The following CTNNA2 variants were observed in gnomAD, a reference collection of about 807,000 sequenced individuals.
The protein encoded by CTNNA2 is catenin alpha 2, also known as catenin alpha-2.
A neutral mutation model predicts 101.0 loss-of-function variants in CTNNA2; 42 were observed. The ratio of observed to expected loss-of-function variants is 0.42; its 90% confidence interval spans 0.32 to 0.54. The LOEUF is 0.54. Ranked by LOEUF, CTNNA2 falls within the 20% of genes least tolerant of loss-of-function variation. CTNNA2 has a pLI of 0.14. For missense variants in CTNNA2, 871 were observed against 1,223.1 expected (o/e 0.71, Z 4.29); for synonymous variants, 450 against 456.4 (o/e 0.99, Z 0.18).
chr2:80,509,465 A>G (rs909863152), intron 9 of CTNNA2, among the ~76,000 whole-genome samples: 3 of 152,208 alleles, frequency 2.0e-5, no homozygotes, highest in Non-Finnish European at 2.9e-5. Flanking sequence ...CTCTTATGGT[A>G]TAAGTGTGAA....
chr2:79,421,991 A>G (rs948692842), intron 4 of CTNNA2, among the ~76,000 whole-genome samples: 3 of 152,094 alleles, frequency 2.0e-5, no homozygotes, highest in Non-Finnish European at 4.4e-5. Context: ...CATCTCTACT[A>G]AAAATACAAA....
Position 79,420,336 on chromosome 2 carries a change from G to A in CTNNA2, c.-135+46323G>A, listed in dbSNP as rs574958155. 3.3e-4 allele frequency among the ~76,000 whole-genome samples: 50 copies of A among 152,230 alleles called. 1 individual carries two copies. Among genetic ancestry groups the A allele is most frequent in the Non-Finnish European group, 2.2e-4 (15 of 68,018 alleles). On this transcript the variant is annotated intron_variant, in intron 4 of 21. Coordinates refer to the CTNNA2 transcript ENST00000466387. ...ATTTGGCTAGACCTGAGATCGGTTG[G>A]TCAATCATCTTACAAAAATATAATT...
At chr2:80,120,221 T>C (rs1318444288) in intron 7 of CTNNA2, among the ~76,000 whole-genome samples, 2 of 152,230 alleles carry the variant, frequency 1.3e-5, no homozygotes, top group African/African-American at 4.8e-5. Flanking sequence ...TTAAAAGTAA[T>C]AGCTTACTAT....
At chr2:80,193,905 A>G (rs1323999273) in intron 7 of CTNNA2, among the ~76,000 whole-genome samples, 3 of 152,324 alleles carry the variant, frequency 2.0e-5, no homozygotes, top group South Asian at 2.1e-4. Context: ...ATCAGTCTGC[A>G]TATCTTGCCT....
intron 7 of CTNNA2, among the ~76,000 whole-genome samples, chr2:80,160,425 A>G (rs1015738089): frequency 2.0e-5 from 3 of 152,150 alleles, no homozygotes; most frequent in South Asian, 2.1e-4. Context: ...TCTTCCAACC[A>G]ATGAACACAG....
intron 3 of CTNNA2, among the ~76,000 whole-genome samples, chr2:79,788,458 GT>G (rs1291264094): frequency 6.6e-6 from 1 of 152,126 alleles, no homozygotes; most frequent in Non-Finnish European, 1.5e-5. Context: ...AATAAATTCA[GT>G]TATAAATATC....
chr2:79,586,525 T>C (rs1248595258), intron 1 of CTNNA2, among the ~76,000 whole-genome samples: 1 of 52,012 alleles, frequency 1.9e-5, no homozygotes, highest in Non-Finnish European at 5.0e-5. Context: ...TTCTTTTCTT[T>C]TCTTTTTTTT....
chr2:79,537,153 T>C (rs1673124324), intron 1 of CTNNA2, among the ~76,000 whole-genome samples: 1 of 152,148 alleles, frequency 6.6e-6, no homozygotes, highest in South Asian at 2.1e-4. Flanking sequence ...GACGTTCTGT[T>C]GGTGAGTTGA....
At chr2:79,590,953 C>T (rs370698588) in intron 1 of CTNNA2, among the ~76,000 whole-genome samples, 40 of 152,254 alleles carry the variant, frequency 2.6e-4, no homozygotes, top group African/African-American at 9.4e-4. Flanking sequence ...TTGTTCTAAG[C>T]ACAAGGACTG....
intron 7 of CTNNA2, among the ~76,000 whole-genome samples, chr2:80,133,148 G>A (rs1702502693): frequency 6.6e-6 from 1 of 152,128 alleles, no homozygotes; most frequent in African/African-American, 2.4e-5. Flanking sequence ...AGACACAGTT[G>A]GAAAAGCAGG....
At chr2:80,391,841 A>G (rs1347773298) in intron 7 of CTNNA2, among the ~76,000 whole-genome samples, 11 of 152,216 alleles carry the variant, frequency 7.2e-5, no homozygotes, top group Admixed American at 7.2e-4. Flanking sequence ...TTTCTACTTA[A>G]AAACCTTAGT....
intron 2 of CTNNA2, among the ~76,000 whole-genome samples, chr2:79,257,059 A>G (rs1441984303): frequency 6.6e-6 from 1 of 152,170 alleles, no homozygotes; most frequent in East Asian, 1.9e-4. Flanking sequence ...ATAAGCGGAG[A>G]TGACACAAGA....
intron 3 of CTNNA2, among the ~76,000 whole-genome samples, chr2:79,346,385 C>G (rs933660042): frequency 1.3e-5 from 2 of 152,154 alleles, no homozygotes; most frequent in African/African-American, 2.4e-5. Context: ...TCATTCTTGA[C>G]CTACAATTTA....
At chr2:80,232,334 TTTGTTTG>T (rs1709268758) in intron 7 of CTNNA2, among the ~76,000 whole-genome samples, 1 of 73,204 alleles carries the variant, frequency 1.4e-5, no homozygotes, top group Non-Finnish European at 2.2e-5. Context: ...TGTTTGTTTG[TTTGTTTG>T]TTTGTTTTTT....
intron 2 of CTNNA2, among the ~76,000 whole-genome samples, chr2:79,248,018 A>G (rs1464455578): frequency 1.3e-5 from 2 of 152,214 alleles, no homozygotes; most frequent in East Asian, 3.9e-4. Context: ...TAAGCCTCCA[A>G]ATTTGTAATA....
At position 79,918,915 on chromosome 2, in the gene CTNNA2, A is replaced by G. The variant is rs561090160; in HGVS notation, c.1056+9118A>G. Among the ~76,000 whole-genome samples the G allele has an allele frequency of 4.6e-5, 7 of 152,334 alleles. No individual in the cohort carries two copies. The South Asian group carries it at 1.4e-3, about 32-fold the overall frequency. On this transcript the variant is annotated intron_variant, in intron 7 of 18. Transcript: ENST00000402739. Reference sequence around the variant, plus strand: ...ACAGGGTTTCAAGTTTGCAATTATTAGGTACAGATTATAAAATATTTCAAA... The same window carrying G: ...ACAGGGTTTCAAGTTTGCAATTATTGGGTACAGATTATAAAATATTTCAAA...
chr2:79,503,507 T>G (rs940791314), intron 4 of CTNNA2, among the ~76,000 whole-genome samples: 2 of 152,184 alleles, frequency 1.3e-5, no homozygotes, highest in Non-Finnish European at 2.9e-5. Flanking sequence ...CTGATCTTAC[T>G]ACATACTTAT....
chr2:80,110,893 A>G (rs183364518), intron 7 of CTNNA2, among the ~76,000 whole-genome samples: 125 of 152,332 alleles, frequency 8.2e-4, no homozygotes, highest in Admixed American at 7.0e-3. Context: ...TGATAAAGAC[A>G]TACCCAAGAC....
intron 12 of CTNNA2, among the ~76,000 whole-genome samples, chr2:80,567,442 C>A (rs1441403827): frequency 1.3e-5 from 2 of 152,102 alleles, no homozygotes; most frequent in East Asian, 3.9e-4. Context: ...TCAAGGCACA[C>A]CCCGTGCCTT....
Sources: allele counts gnomAD v4.1 joint callset (sites outside exome capture counted in the v4.1 genomes callset), GRCh38; gene constraint gnomAD v4.1.1; transcripts MANE v1.5; gene names NCBI Gene and HGNC (gene_info 2026-07-23, HGNC 2026-07-21).